SCAMP4: variants seen among roughly 807,000 people sequenced by gnomAD.
SCAMP4 encodes the protein secretory carrier membrane protein 4, also known as secretory carrier-associated membrane protein 4.
Under a neutral mutation model 32.1 loss-of-function variants are expected in SCAMP4, and 19 were observed. The observed-to-expected ratio is 0.59, with a 90% confidence interval of 0.41 to 0.87. The LOEUF is 0.87. Ranked by LOEUF, SCAMP4 falls within the 40% of genes least tolerant of loss-of-function variation. SCAMP4 has a pLI of 0.00. For synonymous variants in SCAMP4, 152 were observed against 132.7 expected, an observed-to-expected ratio of 1.15 and a Z score of -1.00; for missense variants, 302 against 309.0, an observed-to-expected ratio of 0.98 and a Z score of 0.17.
chr19:1,924,946 C>T lies in SCAMP4; in HGVS notation c.*662C>T, dbSNP rs1328223898. ...CTCCCTGCCTCCAAAACAGGGATCC[C>T]TGGCAGGCTGTCTTTCCACGCCCCT... is the stretch of plus-strand genomic sequence containing the variant. On this transcript the variant is annotated 3_prime_UTR_variant, in exon 7 of 7. Transcript: ENST00000316097. The T allele has an allele frequency of 6.6e-6, 1 of 152,562 alleles. No individual in the cohort carries two copies. Among genetic ancestry groups the T allele is most frequent in the East Asian group, 1.9e-4 (1 of 5,190 alleles). 9.5% of individuals were successfully genotyped at this position (152,562 alleles called of 1,614,324 possible).
At chr19:1,910,929 C>T (rs868641496) in intron 1 of SCAMP4, among the ~76,000 whole-genome samples, 3 of 151,554 alleles carry the variant, frequency 2.0e-5, no homozygotes, top group East Asian at 1.9e-4. Flanking sequence ...TGCAGTGGCG[C>T]GATCTCGGCT....
chr19:1,913,068 G>T (rs762106841), intron 1 of SCAMP4: 2 of 1,602,118 alleles, frequency 1.2e-6, no homozygotes, highest in Admixed American at 1.7e-5. Context: ...CCGCATCCAC[G>T]CACGGCCCGA....
At chr19:1,911,165 G>T (rs76060398) in intron 1 of SCAMP4, among the ~76,000 whole-genome samples, 1 of 151,916 alleles carries the variant, frequency 6.6e-6, no homozygotes, top group African/African-American at 2.4e-5. Flanking sequence ...GTGAGCCACC[G>T]TGCCCGGGTT....
chr19:1,907,088 A>G (rs12978400), intron 1 of SCAMP4: 41,854 of 148,524 alleles, frequency 0.28, 7,148 homozygotes, highest in African/African-American at 0.46. Flanking sequence ...TTGGGAGGCT[A>G]AGGCAGGAGA....
intron 1 of SCAMP4, chr19:1,913,378 G>C: frequency 1.5e-6 from 1 of 651,790 alleles, no homozygotes; most frequent in Admixed American, 3.2e-5. Context: ...CGCCCTTGCT[G>C]CGTTTGTGTC....
chr19:1,912,106 C>A (rs764240025), intron 1 of SCAMP4: 1 of 1,517,938 alleles, frequency 6.6e-7, no homozygotes, highest in Non-Finnish European at 8.8e-7. Flanking sequence ...ATGGAGCCCG[C>A]CCCGGGCCTC....
At chr19:1,919,213 G>A (rs1361424683) in intron 5 of SCAMP4, 1 of 1,397,480 alleles carries the variant, frequency 7.2e-7, no homozygotes, top group African/African-American at 1.5e-5. Flanking sequence ...CTCTCCTAGG[G>A]AGGGGTCCGA....
chr19:1,908,076 T>A lies in SCAMP4; in HGVS notation c.-42+2637T>A, dbSNP rs1005450163. 2 of 173,322 alleles carry A rather than the reference T, an allele frequency of 1.2e-5. No homozygotes were observed. The highest frequency in any genetic ancestry group is 2.4e-5 in the African/African-American group (1 of 41,508). The allele number at this position is 173,322 out of a possible 1,614,324, so 10.7% of individuals were successfully genotyped here. ...GGAGGGACAAGCGAGGCTGTGTTTG[T>A]CTTTTACCCTGGAGACAGTGGAGTG... is the stretch of plus-strand genomic sequence containing the variant. On this transcript the variant is annotated intron_variant, in intron 1 of 6. Transcript: ENST00000316097. The surrounding 1 kb of genome is among the most constrained non-coding windows in gnomAD (Gnocchi z 4.2).
At chr19:1,915,540 A>T in intron 2 of SCAMP4, 1 of 170,940 alleles carries the variant, frequency 5.9e-6, no homozygotes, top group Non-Finnish European at 1.3e-5. Context: ...TGATCCCTGG[A>T]ACCTGTGAGT....
chr19:1,923,295 G>A (rs1047304216), intron 6 of SCAMP4, 108 bp downstream of exon 6: 6 of 913,662 alleles, frequency 6.6e-6, no homozygotes, highest in South Asian at 3.5e-5. Flanking sequence ...TCTCCCCACG[G>A]TGTCACGCAG....
chr19:1,924,031 A>AC (rs2014015075), intron 6 of SCAMP4, 77 bp from the exon 7 acceptor site: 1 of 1,226,148 alleles, frequency 8.2e-7, no homozygotes, highest in Non-Finnish European at 1.1e-6. Flanking sequence ...AAGTGCTGGG[A>AC]TGACAGGCGT....
chr19:1,914,958 CTG>C lies in SCAMP4; in HGVS notation c.-41-18_-41-17del, dbSNP rs1740913962. On this transcript the variant is annotated intron_variant, in intron 1 of 6. Transcript: ENST00000316097. ...CCCAGGGCAGCTCAGGGTTCCCTGA[CTG>C]TGGTTGTCTTCCTTCCAGGCGGCTG... 1.2e-6 allele frequency: 2 copies of C among 1,610,280 alleles called. No individual in the cohort carries two copies. Among genetic ancestry groups the C allele is most frequent in the Non-Finnish European group, 1.7e-6 (2 of 1,176,542 alleles).
Position 1,908,129 on chromosome 19 carries a change from C to T in SCAMP4, c.-42+2690C>T, listed in dbSNP as rs1433864887. 1 of 235,482 alleles carries T rather than the reference C, an allele frequency of 4.2e-6. No individual in the cohort carries two copies. The highest frequency in any genetic ancestry group is 2.4e-5 in the African/African-American group (1 of 42,190). The allele number at this position is 235,482 out of a possible 1,614,324, so 14.6% of individuals were successfully genotyped here. A position where few individuals can be genotyped will look rare whatever the true frequency, so the allele number is the denominator to read the frequency against. ...TGTGGCCTAGCAGGGCCGTGCGGGC[C>T]TCTCGGTCCTGGTCGCGCGTGGTGT... On this transcript the variant is annotated intron_variant, in intron 1 of 6. Coordinates refer to ENST00000316097, the MANE Select transcript of SCAMP4 (RefSeq NM_079834.4). This position sits in a 1 kb window ranked among gnomAD's most constrained non-coding sequence, Gnocchi z 4.2.
chr19:1,909,384 T>A (rs1265412871), intron 1 of SCAMP4, among the ~76,000 whole-genome samples: 1 of 152,176 alleles, frequency 6.6e-6, no homozygotes, highest in Non-Finnish European at 1.5e-5. Flanking sequence ...AATGGGCGGA[T>A]CCCGAGAGCT....
At position 1,924,366 on chromosome 19, in the gene SCAMP4, A is replaced by G; in HGVS notation, c.*82A>G. ...ACCCCTGGTCCCGAGGGCTGGGAGTACCTGGGGCCCCATCCCCCCAGCTGG... is the reference window on the plus strand; with the variant it reads ...ACCCCTGGTCCCGAGGGCTGGGAGTGCCTGGGGCCCCATCCCCCCAGCTGG... On this transcript the variant is annotated 3_prime_UTR_variant, in exon 7 of 7. Coordinates refer to ENST00000316097, the MANE Select transcript of SCAMP4 (RefSeq NM_079834.4). 4.3e-6 allele frequency: 6 copies of G among 1,399,388 alleles called. No individual in the cohort carries two copies. Among genetic ancestry groups the G allele is most frequent in the Non-Finnish European group, 5.8e-6 (6 of 1,035,198 alleles). The allele number at this position is 1,399,388 out of a possible 1,614,324, so 86.7% of individuals were successfully genotyped here. A position where few individuals can be genotyped will look rare whatever the true frequency, so the allele number is the denominator to read the frequency against.
rs2014022204 is a variant in SCAMP4, at chr19:1,924,128, G to A, written c.534G>A (p.Gly178=). 1.2e-6 allele frequency: 2 copies of A among 1,610,626 alleles called. No individual in the cohort carries two copies. The highest frequency in any genetic ancestry group is 1.7e-5 in the Admixed American group (1 of 59,632). Residue 178 remains glycine (G), a synonymous_variant, in exon 7 of 7, where the codon GGG becomes GGA. Transcript: ENST00000316097. ...AIMKVHRIYR[G]AGGSFQKAQT... is the part of the protein sequence containing the mutation. ...TGCAGGTGCACAGGATCTACCGAGG[G>A]GCTGGCGGAAGCTTCCAGAAGGCAC...
At chr19:1,913,490 C>T (rs1290022691) in intron 1 of SCAMP4, 4 of 394,030 alleles carry the variant, frequency 1.0e-5, no homozygotes, top group East Asian at 5.9e-5. Context: ...GGCCAGGGTC[C>T]CGAGTGGGGT....
intron 1 of SCAMP4, chr19:1,913,277 C>A: frequency 7.5e-7 from 1 of 1,329,624 alleles, no homozygotes; most frequent in Non-Finnish European, 1.0e-6. Context: ...CCGCCTCCAG[C>A]GGGGAGCACG....
At chr19:1,913,082 C>T in intron 1 of SCAMP4, 1 of 1,601,312 alleles carries the variant, frequency 6.2e-7, no homozygotes, top group Non-Finnish European at 8.5e-7. Context: ...GGCCCGACCT[C>T]AACCACCGCT....
Sources: allele counts gnomAD v4.1 joint callset (sites outside exome capture counted in the v4.1 genomes callset), GRCh38; gene constraint gnomAD v4.1.1; non-coding constraint Gnocchi (gnomAD v3.1); transcripts MANE v1.5; gene names NCBI Gene and HGNC (gene_info 2026-07-23, HGNC 2026-07-21).